The following STAG2 variants were observed in gnomAD, a reference collection of about 807,000 sequenced individuals.
The protein encoded by STAG2 is cohesin subunit SA-2.
Under a neutral mutation model 108.1 loss-of-function variants are expected in STAG2, and 14 were observed. The observed-to-expected ratio is 0.13, with a 90% CI of 0.09 to 0.20. The LOEUF (loss-of-function observed/expected upper bound fraction) is 0.20. Among genes scored for constraint, STAG2 ranks in the 10% least tolerant of loss-of-function variants. STAG2 has a pLI of 1.00. For missense variants in STAG2, 440 were observed against 940.9 expected, an observed-to-expected ratio of 0.47 and a Z score of 6.96; for synonymous variants, 307 against 302.7, an observed-to-expected ratio of 1.01 and a Z score of -0.15.
At chrX:124,016,272 TG>T (rs2056724415) in intron 1 of STAG2, among the ~76,000 whole-genome samples, 1 of 111,294 alleles carries the variant, frequency 9.0e-6, no homozygotes, top group Admixed American at 9.6e-5. Flanking sequence ...CTCAAGTAGC[TG>T]GGACTATAGG....
In STAG2 at chrX:124,066,878, G is replaced by A. The variant is rs1002136630; in HGVS notation, c.2265+442G>A. 3.9e-4 allele frequency among the ~76,000 whole-genome samples: 43 copies of A among 111,672 alleles called. 1 individual carries two copies. The highest frequency in any genetic ancestry group is 6.4e-4 in the Non-Finnish European group (34 of 53,094). On this transcript the variant is annotated intron_variant, in intron 23 of 34. Transcript: ENST00000371145. ...CTGATTGAATATATAATGTGCCAGC[G>A]CCAGCTATTAGTACATATAGAGCTT...
chrX:124,078,170 G>C (rs1380459620), intron 27 of STAG2, 112 bp downstream of exon 27: 1 of 513,315 alleles, frequency 1.9e-6, no homozygotes, highest in Non-Finnish European at 3.2e-6. Context: ...TATAAAAGTA[G>C]AAATACAAGA....
At chrX:124,022,768 A>C in intron 3 of STAG2, 97 bp downstream of exon 3, 1 of 527,878 alleles carries the variant, frequency 1.9e-6, no homozygotes, top group Non-Finnish European at 3.0e-6. Flanking sequence ...GCTCGAGAAG[A>C]TCTAATATAT....
intron 25 of STAG2, among the ~76,000 whole-genome samples, chrX:124,073,784 A>AT (rs1271893548): frequency 1.8e-5 from 2 of 111,473 alleles, no homozygotes. Context: ...AATATAACAG[A>AT]TTTTTACATA....
chrX:124,041,661 C>T (rs2057724665), intron 6 of STAG2, among the ~76,000 whole-genome samples: 1 of 110,980 alleles, frequency 9.0e-6, no homozygotes, highest in East Asian at 2.8e-4. Context: ...CCCCTGCCCC[C>T]ATCTCTCTCT....
At chrX:123,992,047 A>G (rs73212915) in intron 1 of STAG2, among the ~76,000 whole-genome samples, 17,753 of 111,958 alleles carry the variant, frequency 0.16, 1,168 homozygotes, top group South Asian at 0.36. Flanking sequence ...GGGAGGATGT[A>G]CGTAGGTTAG....
chrX:124,006,846 T>C lies in STAG2; in HGVS notation c.-162-14521T>C, dbSNP rs185543687. ...GTTTAACATGTGTTTTAAAAGTTTG[T>C]TTGCTAATTATCTCTTTTATACTTA... On this transcript the variant is annotated intron_variant, in intron 1 of 34. Coordinates refer to ENST00000371145, the MANE Select transcript of STAG2 (RefSeq NM_001042750.2). 3.6e-5 allele frequency among the ~76,000 whole-genome samples: 4 copies of C among 111,912 alleles called. No homozygotes were observed. In the East Asian group the frequency reaches 1.1e-3, roughly 31 times the overall value.
chrX:123,978,116 T>G (rs890517409), intron 1 of STAG2, among the ~76,000 whole-genome samples: 1 of 108,600 alleles, frequency 9.2e-6, no homozygotes, highest in African/African-American at 3.3e-5. Flanking sequence ...GTGTTGGGAT[T>G]GCAGGCGTGA....
chrX:124,017,106 A>G (rs917539179), intron 1 of STAG2, among the ~76,000 whole-genome samples: 6 of 111,305 alleles, frequency 5.4e-5, no homozygotes, highest in African/African-American at 2.0e-4. Flanking sequence ...TGTGCTCTCC[A>G]GTAATATATT....
chrX:123,968,989 C>G (rs952065115), intron 1 of STAG2, among the ~76,000 whole-genome samples: 3 of 111,777 alleles, frequency 2.7e-5, no homozygotes, highest in African/African-American at 9.8e-5. Context: ...TCAGTTGTTT[C>G]CCTTATCTGG....
intron 1 of STAG2, among the ~76,000 whole-genome samples, chrX:123,984,762 G>T (rs1042987720): frequency 9.1e-6 from 1 of 110,271 alleles, no homozygotes; most frequent in South Asian, 3.8e-4. Context: ...CTCAGCCTAC[G>T]GAGTAGTTGG....
intron 27 of STAG2, among the ~76,000 whole-genome samples, chrX:124,079,330 G>A (rs1046661993): frequency 1.8e-5 from 2 of 110,339 alleles, no homozygotes; most frequent in African/African-American, 3.3e-5. Flanking sequence ...TAGTAGAGAC[G>A]GGGTTTCACC....
At chrX:124,006,718 C>T (rs1288026092) in intron 1 of STAG2, among the ~76,000 whole-genome samples, 3 of 111,086 alleles carry the variant, frequency 2.7e-5, no homozygotes, top group South Asian at 3.8e-4. Context: ...GGATTACAGG[C>T]GTGAGCCACC....
chrX:123,991,563 G>A (rs888144340), intron 1 of STAG2, among the ~76,000 whole-genome samples: 4 of 111,335 alleles, frequency 3.6e-5, no homozygotes, highest in African/African-American at 1.3e-4. Flanking sequence ...ATGTTGGCAA[G>A]GCTGGTCTTG....
At chrX:123,982,765 C>CTT (rs10707101) in intron 1 of STAG2, among the ~76,000 whole-genome samples, 20 of 50,007 alleles carry the variant, frequency 4.0e-4, no homozygotes, top group African/African-American at 1.3e-3. Flanking sequence ...TTTTTTTGCC[C>CTT]TTTTTTTTTT....
At chrX:124,036,368 TTTG>T (rs1208370480) in intron 5 of STAG2, among the ~76,000 whole-genome samples, 1 of 111,838 alleles carries the variant, frequency 8.9e-6, no homozygotes, top group Admixed American at 9.5e-5. Flanking sequence ...TTTAAAAAGT[TTTG>T]TTGTTGTTGT....
intron 13 of STAG2, among the ~76,000 whole-genome samples, chrX:124,055,773 G>C (rs3788773): frequency 0.24 from 26,672 of 110,906 alleles, 2,350 homozygotes; most frequent in South Asian, 0.39. Context: ...GAAATATAAG[G>C]AAAGTATTAT....
At chrX:123,987,878 GT>G (rs2055273588) in intron 1 of STAG2, among the ~76,000 whole-genome samples, 1 of 111,746 alleles carries the variant, frequency 8.9e-6, no homozygotes, top group Non-Finnish European at 1.9e-5. Flanking sequence ...ACTATTAGAA[GT>G]TTGTATTATG....
At chrX:123,990,908 T>C (rs2055424865) in intron 1 of STAG2, among the ~76,000 whole-genome samples, 1 of 111,837 alleles carries the variant, frequency 8.9e-6, no homozygotes, top group South Asian at 3.7e-4. Context: ...CTGTACCCAC[T>C]TGCCAGCATA....
Sources: allele counts gnomAD v4.1 joint callset (sites outside exome capture counted in the v4.1 genomes callset), GRCh38; gene constraint gnomAD v4.1.1; transcripts MANE v1.5; gene names NCBI Gene and HGNC (gene_info 2026-07-23, HGNC 2026-07-21).